APP: variants seen among roughly 807,000 people sequenced by gnomAD.
APP encodes the protein amyloid-beta precursor protein.
Under a neutral mutation model 101.4 loss-of-function variants are expected in APP, and 31 were observed. The observed-to-expected ratio is 0.31, with a 90% CI of 0.23 to 0.41. The LOEUF (loss-of-function observed/expected upper bound fraction) is 0.41, where lower values mean the gene tolerates loss of function less well. Among genes scored for constraint, APP ranks in the 10% least tolerant of loss-of-function variants. APP has a pLI of 1.00. For missense variants in APP, 839 were observed against 1,003.7 expected (o/e 0.84, Z 2.22); for synonymous variants, 366 against 364.4 (o/e 1.00, Z -0.05).
chr21:26,107,409 CAT>C (rs1234081428), intron 2 of APP, among the ~76,000 whole-genome samples: 6 of 152,306 alleles, frequency 3.9e-5, no homozygotes, highest in African/African-American at 1.2e-4. Flanking sequence ...AAATATTTGA[CAT>C]GTGTTCAGTC....
In APP at chr21:25,929,837, T is replaced by A. The variant is rs1043356683; in HGVS notation, c.1688-17875A>T. ...GCCTGTATACAATCTAAAGGCATAA[T>A]CTCCTGGAGCCTTCAGTGCTGGTTT... is the stretch of plus-strand genomic sequence containing the variant. On this transcript the variant is annotated intron_variant, in intron 13 of 17. Coordinates refer to ENST00000346798, the MANE Select transcript of APP (RefSeq NM_000484.4). Among the ~76,000 whole-genome samples the A allele has an allele frequency of 2.0e-5, 3 of 152,280 alleles. No homozygotes were observed. The East Asian group carries it at 5.8e-4, about 29-fold the overall frequency.
chr21:26,109,740 C>G (rs2062269183), intron 2 of APP, among the ~76,000 whole-genome samples: 1 of 151,964 alleles, frequency 6.6e-6, no homozygotes, highest in African/African-American at 2.4e-5. Context: ...GGTATGGCCA[C>G]CATACAAATG....
At chr21:25,974,554 T>C (rs1212433710) in intron 11 of APP, among the ~76,000 whole-genome samples, 3 of 152,170 alleles carry the variant, frequency 2.0e-5, no homozygotes, top group East Asian at 1.9e-4. Flanking sequence ...AAATAAAAGA[T>C]AAACAAAATT....
At chr21:26,116,931 G>C (rs553614272) in intron 1 of APP, among the ~76,000 whole-genome samples, 1 of 152,214 alleles carries the variant, frequency 6.6e-6, no homozygotes, top group South Asian at 2.1e-4. Context: ...ACCCAGACTA[G>C]AGTGCAGTGG....
intron 3 of APP, among the ~76,000 whole-genome samples, chr21:26,084,633 T>C (rs1324502572): frequency 6.6e-6 from 1 of 152,158 alleles, no homozygotes; most frequent in Non-Finnish European, 1.5e-5. Flanking sequence ...GTGAGATAAA[T>C]GTAAGCTCTT....
At chr21:26,014,445 T>C (rs969989966) in intron 6 of APP, among the ~76,000 whole-genome samples, 1 of 152,232 alleles carries the variant, frequency 6.6e-6, no homozygotes, top group African/African-American at 2.4e-5. Flanking sequence ...TTTGGTGCTC[T>C]ATCACCCAGT....
intron 5 of APP, among the ~76,000 whole-genome samples, chr21:26,034,371 A>C (rs2044991588): frequency 6.6e-6 from 1 of 152,172 alleles, no homozygotes; most frequent in East Asian, 1.9e-4. Context: ...TCGGCCAGGC[A>C]CGGTGGCTCA....
intron 1 of APP, among the ~76,000 whole-genome samples, chr21:26,152,284 C>CAAAAAAAAAA (rs1161739630): frequency 1.9e-4 from 7 of 36,178 alleles, no homozygotes; most frequent in South Asian, 1.3e-3. Flanking sequence ...GACTCCATCT[C>CAAAAAAAAAA]AAAAAAAAAA....
intron 8 of APP, among the ~76,000 whole-genome samples, chr21:25,982,812 T>C (rs1245773575): frequency 6.6e-6 from 1 of 152,240 alleles, no homozygotes; most frequent in Non-Finnish European, 1.5e-5. Flanking sequence ...CCCCATGCTT[T>C]CCTAAATTAC....
At chr21:26,123,875 G>GATATTGACAATGGTAAAAATA in intron 1 of APP, among the ~76,000 whole-genome samples, 1 of 152,046 alleles carries the variant, frequency 6.6e-6, no homozygotes, top group Non-Finnish European at 1.5e-5. Flanking sequence ...TATTAGGAGG[G>GATATTGACAATGGTAAAAATA]TGCAGTTAGT....
At position 26,022,004 on chromosome 21, in the gene APP, A is replaced by C. The variant is rs1355421222; in HGVS notation, c.701T>G (p.Val234Gly). The C allele has an allele frequency of 6.2e-7, 1 of 1,613,864 alleles. No homozygotes were observed. Among genetic ancestry groups the C allele is most frequent in the Non-Finnish European group, 8.5e-7 (1 of 1,179,990 alleles). ...KVVEVAEEEE[V>G]AEVEEEEADD... ...GGCTTCTTCTTCTTCCACCTCAGCC[A>C]CTTCTTCCTCCTCTGCTACTTCTAC... is the stretch of plus-strand genomic sequence containing the variant. The change falls in exon 6 of 18, where the codon GTG becomes GGG. Residue 234 changes from valine to glycine, a missense_variant. By Grantham distance (109) the Val-to-Gly change is moderately radical. Coordinates refer to ENST00000346798, the MANE Select transcript of APP (RefSeq NM_000484.4).
intron 1 of APP, among the ~76,000 whole-genome samples, chr21:26,148,435 G>T (rs2063197566): frequency 6.6e-6 from 1 of 152,192 alleles, no homozygotes; most frequent in South Asian, 2.1e-4. Context: ...AGGGTTCACT[G>T]AGAAGAGGAA....
At chr21:25,925,576 C>G (rs2146370393) in intron 13 of APP, among the ~76,000 whole-genome samples, 1 of 152,266 alleles carries the variant, frequency 6.6e-6, no homozygotes, top group Non-Finnish European at 1.5e-5. Context: ...CCACACTGAC[C>G]ACAGCCACGA....
At chr21:25,901,323 A>AAAAAAAAAAC (rs1415299377) in intron 15 of APP, among the ~76,000 whole-genome samples, 1 of 64,166 alleles carries the variant, frequency 1.6e-5, no homozygotes, top group Non-Finnish European at 4.3e-5. Flanking sequence ...AAAAAACAAA[A>AAAAAAAAAAC]CCAAGAGCTC....
chr21:26,101,515 T>C (rs1430622530), intron 2 of APP, among the ~76,000 whole-genome samples: 1 of 152,200 alleles, frequency 6.6e-6, no homozygotes, highest in Non-Finnish European at 1.5e-5. Context: ...AGTGAGGATA[T>C]GGTTTAAGAC....
chr21:26,071,821 T>G (rs2061416760), intron 3 of APP, among the ~76,000 whole-genome samples: 1 of 152,204 alleles, frequency 6.6e-6, no homozygotes, highest in Non-Finnish European at 1.5e-5. Context: ...TGTAGGATCT[T>G]CATTCTCTAA....
At chr21:25,944,251 C>A (rs548761434) in intron 13 of APP, among the ~76,000 whole-genome samples, 1 of 152,276 alleles carries the variant, frequency 6.6e-6, no homozygotes, top group African/African-American at 2.4e-5. Flanking sequence ...TTAAGTAACG[C>A]CCTGGCCTTG....
intron 6 of APP, among the ~76,000 whole-genome samples, chr21:26,018,474 T>C (rs1259248300): frequency 4.6e-5 from 7 of 152,238 alleles, no homozygotes; most frequent in African/African-American, 1.2e-4. Flanking sequence ...AAGTCACCTT[T>C]TGTAACAGTG....
chr21:26,101,168 C>T (rs2062049504), intron 2 of APP, among the ~76,000 whole-genome samples: 2 of 136,898 alleles, frequency 1.5e-5, no homozygotes, highest in Admixed American at 1.6e-4. Context: ...GGCGTGATCT[C>T]GGCCCACTGC....
Sources: allele counts gnomAD v4.1 joint callset (sites outside exome capture counted in the v4.1 genomes callset), GRCh38; gene constraint gnomAD v4.1.1; transcripts MANE v1.5; gene names NCBI Gene and HGNC (gene_info 2026-07-23, HGNC 2026-07-21).